The following AHCYL2 variants were observed in gnomAD, a reference collection of about 807,000 sequenced individuals.
AHCYL2 encodes S-adenosylhomocysteine hydrolase-like protein 2.
Under a neutral mutation model 81.4 loss-of-function variants are expected in AHCYL2, and 28 were observed. The ratio of observed to expected loss-of-function variants is 0.34; its 90% CI spans 0.25 to 0.47. AHCYL2 has a LOEUF of 0.47. Ranked by LOEUF, AHCYL2 falls within the 20% of genes least tolerant of loss-of-function variation. The pLI, the probability that AHCYL2 is intolerant of heterozygous loss-of-function variation, is 1.00. For missense variants in AHCYL2, 551 were observed against 785.1 expected, an observed-to-expected ratio of 0.70 and a Z score of 3.56; for synonymous variants, 272 against 290.2, an observed-to-expected ratio of 0.94 and a Z score of 0.64.
intron 1 of AHCYL2, among the ~76,000 whole-genome samples, chr7:129,313,601 T>G (rs1035574695): frequency 2.6e-5 from 4 of 152,318 alleles, no homozygotes; most frequent in Non-Finnish European, 4.4e-5. Context: ...ACCTTGAGTT[T>G]TGGCTAGCCT....
intron 1 of AHCYL2, among the ~76,000 whole-genome samples, chr7:129,321,743 GTTTTTTTT>G: frequency 5.2e-5 from 4 of 77,626 alleles, no homozygotes; most frequent in African/African-American, 1.8e-4. Flanking sequence ...TTCTTTCTTT[GTTTTTTTT>G]TTTTTTTTTT....
chr7:129,317,619 C>T (rs1301071001), intron 1 of AHCYL2, among the ~76,000 whole-genome samples: 2 of 152,206 alleles, frequency 1.3e-5, no homozygotes, highest in Non-Finnish European at 2.9e-5. Flanking sequence ...ACTACTACCC[C>T]TGCCTTGCTC....
intron 1 of AHCYL2, among the ~76,000 whole-genome samples, chr7:129,352,711 C>T (rs1261207123): frequency 6.6e-6 from 1 of 152,096 alleles, no homozygotes; most frequent in Non-Finnish European, 1.5e-5. Context: ...TTAGCCTATT[C>T]CAGGTTACCA....
intron 11 of AHCYL2, among the ~76,000 whole-genome samples, chr7:129,410,760 T>C (rs962737705): frequency 6.6e-6 from 1 of 152,214 alleles, no homozygotes; most frequent in Non-Finnish European, 1.5e-5. Flanking sequence ...TAGGGTAAGA[T>C]ACTTATTTTT....
At chr7:129,260,630 T>G (rs947733919) in intron 1 of AHCYL2, among the ~76,000 whole-genome samples, 1 of 152,116 alleles carries the variant, frequency 6.6e-6, no homozygotes, top group Non-Finnish European at 1.5e-5. Context: ...ATTCTCAGGG[T>G]GTTGCTTGAC....
intron 1 of AHCYL2, among the ~76,000 whole-genome samples, chr7:129,315,036 C>T (rs1290219890): frequency 6.6e-6 from 1 of 152,110 alleles, no homozygotes; most frequent in East Asian, 1.9e-4. Context: ...GCACATCATA[C>T]AGCACCTACC....
At chr7:129,325,765 A>C (rs190332005) in intron 1 of AHCYL2, among the ~76,000 whole-genome samples, 26 of 150,546 alleles carry the variant, frequency 1.7e-4, no homozygotes, top group Non-Finnish European at 2.4e-4. Flanking sequence ...TCTGTTGCCC[A>C]GGCTGGAGTG....
Sources: allele counts gnomAD v4.1 joint callset (sites outside exome capture counted in the v4.1 genomes callset), GRCh38; gene constraint gnomAD v4.1.1; transcripts MANE v1.5; gene names NCBI Gene and HGNC (gene_info 2026-07-23, HGNC 2026-07-21).